Variants in ZNF618 observed in about 807,000 individuals in gnomAD.
The protein encoded by ZNF618 is zinc finger protein 618.
Under a neutral mutation model 103.0 loss-of-function variants are expected in ZNF618, and 34 were observed. The observed-to-expected ratio is 0.33, with a 90% CI of 0.25 to 0.44. The LOEUF (loss-of-function observed/expected upper bound fraction) is 0.44. Ranked by LOEUF, ZNF618 falls within the 20% of genes least tolerant of loss-of-function variation. The pLI is 1.00. For synonymous variants in ZNF618, 551 were observed against 542.2 expected (o/e 1.02, Z -0.23); for missense variants, 1,059 against 1,295.4 (o/e 0.82, Z 2.80).
chr9:113,980,848 A>T (rs964289289), intron 2 of ZNF618, among the ~76,000 whole-genome samples: 17 of 152,164 alleles, frequency 1.1e-4, no homozygotes, highest in African/African-American at 4.1e-4. Flanking sequence ...CTGAGAAGGG[A>T]CCACTGGATT....
chr9:113,882,822 T>G (rs529852085), intron 1 of ZNF618, among the ~76,000 whole-genome samples: 1 of 152,164 alleles, frequency 6.6e-6, no homozygotes, highest in African/African-American at 2.4e-5. Flanking sequence ...CTCATTCATA[T>G]CTGCTTCGTG....
rs1845832464 is a variant in ZNF618, at chr9:114,048,271, G to A, written c.1348+277G>A. Among the ~76,000 whole-genome samples the A allele has an allele frequency of 2.6e-5, 4 of 152,266 alleles. 1 individual carries two copies. The South Asian group carries it at 6.2e-4, about 24-fold the overall frequency. Reference sequence around the variant, plus strand: ...TAGAACCCACCTCTCCACAATTTCTGCTGGTTGCTCTTTCCTGACATGATG... The same window carrying A: ...TAGAACCCACCTCTCCACAATTTCTACTGGTTGCTCTTTCCTGACATGATG... On this transcript the variant is annotated intron_variant, in intron 14 of 14. Transcript: ENST00000374126.
chr9:113,920,751 T>A (rs1216219261), intron 1 of ZNF618, among the ~76,000 whole-genome samples: 1 of 152,196 alleles, frequency 6.6e-6, no homozygotes, highest in Non-Finnish European at 1.5e-5. Context: ...TGGTAAGGAT[T>A]AAATGAAAGA....
At chr9:113,982,210 G>C (rs1198321847) in intron 2 of ZNF618, among the ~76,000 whole-genome samples, 1 of 152,190 alleles carries the variant, frequency 6.6e-6, no homozygotes, top group Non-Finnish European at 1.5e-5. Context: ...GTTGCCTATG[G>C]CTGCTTTTGC....
intron 1 of ZNF618, among the ~76,000 whole-genome samples, chr9:113,883,933 G>A (rs1002509008): frequency 6.1e-5 from 8 of 131,854 alleles, no homozygotes; most frequent in Admixed American, 1.8e-4. Context: ...GGAGGACTAT[G>A]ACCTGTGGGG....
chr9:113,970,788 T>C (rs531437765), intron 2 of ZNF618, among the ~76,000 whole-genome samples: 1 of 151,686 alleles, frequency 6.6e-6, no homozygotes, highest in South Asian at 2.1e-4. Flanking sequence ...TTATGCTCTT[T>C]AATTATTTCA....
At chr9:113,961,108 CT>C (rs1178414435) in intron 1 of ZNF618, among the ~76,000 whole-genome samples, 1 of 152,228 alleles carries the variant, frequency 6.6e-6, no homozygotes, top group Non-Finnish European at 1.5e-5. Context: ...TTTATTCCCC[CT>C]GTCGAGTGTG....
chr9:114,038,391 T>C (rs1477039903), intron 13 of ZNF618, among the ~76,000 whole-genome samples: 1 of 152,192 alleles, frequency 6.6e-6, no homozygotes, highest in African/African-American at 2.4e-5. Flanking sequence ...TGGGCTGCTT[T>C]GTTCTGGTTC....
chr9:113,981,868 G>A (rs1438761873), intron 2 of ZNF618, among the ~76,000 whole-genome samples: 4 of 152,194 alleles, frequency 2.6e-5, no homozygotes, highest in Non-Finnish European at 5.9e-5. Context: ...CTAGGGCTGG[G>A]GATATAGACA....
intron 1 of ZNF618, among the ~76,000 whole-genome samples, chr9:113,941,438 C>G (rs898927445): frequency 6.6e-6 from 1 of 152,088 alleles, no homozygotes; most frequent in Non-Finnish European, 1.5e-5. Context: ...AAAATTCTGT[C>G]TGATGTCTTC....
chr9:114,039,896 T>TGAAGAA (rs1412499267), intron 13 of ZNF618, among the ~76,000 whole-genome samples: 7 of 150,826 alleles, frequency 4.6e-5, no homozygotes, highest in African/African-American at 1.7e-4. Context: ...GAAGCAACCT[T>TGAAGAA]TATTCCAGCT....
intron 6 of ZNF618, among the ~76,000 whole-genome samples, chr9:114,007,097 T>C (rs899714931): frequency 4.6e-5 from 7 of 152,224 alleles, no homozygotes; most frequent in Middle Eastern, 3.2e-3. Context: ...ATGTAGGGCA[T>C]GAGCATCAAG....
intron 1 of ZNF618, among the ~76,000 whole-genome samples, chr9:113,926,025 G>T (rs1281995426): frequency 6.6e-6 from 1 of 152,006 alleles, no homozygotes; most frequent in African/African-American, 2.4e-5. Context: ...TCTCTCTGAA[G>T]AACTTTTAAA....
intron 1 of ZNF618, among the ~76,000 whole-genome samples, chr9:113,902,168 G>A (rs1830617873): frequency 6.6e-6 from 1 of 152,134 alleles, no homozygotes. Flanking sequence ...TCTTGCCTCT[G>A]CTCCTTCCTC....
At chr9:113,937,451 C>T (rs373272491) in intron 1 of ZNF618, among the ~76,000 whole-genome samples, 2 of 152,342 alleles carry the variant, frequency 1.3e-5, no homozygotes, top group South Asian at 4.1e-4. Flanking sequence ...AGACCTTACT[C>T]ATATTTCACT....
intron 1 of ZNF618, among the ~76,000 whole-genome samples, chr9:113,889,008 C>A (rs568728777): frequency 2.0e-5 from 3 of 152,102 alleles, no homozygotes; most frequent in Non-Finnish European, 4.4e-5. Context: ...CTCCAATCAG[C>A]GCCAGTTCAT....
intron 1 of ZNF618, among the ~76,000 whole-genome samples, chr9:113,926,471 TTC>T (rs1462576016): frequency 1.3e-5 from 2 of 152,126 alleles, no homozygotes; most frequent in African/African-American, 4.8e-5. Flanking sequence ...CTTCTGTTTT[TTC>T]TTTCTTTTCT....
intron 12 of ZNF618, among the ~76,000 whole-genome samples, chr9:114,032,992 C>T (rs954365501): frequency 6.6e-6 from 1 of 152,190 alleles, no homozygotes; most frequent in African/African-American, 2.4e-5. Flanking sequence ...CACCCCTCCC[C>T]ATAGCCTGCG....
chr9:113,951,311 C>T (rs1835544558), intron 1 of ZNF618, among the ~76,000 whole-genome samples: 1 of 146,722 alleles, frequency 6.8e-6, no homozygotes, highest in Non-Finnish European at 1.5e-5. Context: ...GGTTCTAGTT[C>T]AGTGTTTGAC....
Sources: allele counts gnomAD v4.1 joint callset (sites outside exome capture counted in the v4.1 genomes callset), GRCh38; gene constraint gnomAD v4.1.1; transcripts MANE v1.5; gene names NCBI Gene and HGNC (gene_info 2026-07-23, HGNC 2026-07-21).